ST18: variants seen among roughly 807,000 people sequenced by gnomAD.
The protein encoded by ST18 is ST18 C2H2C-type zinc finger transcription factor.
A neutral mutation model predicts 110.0 loss-of-function variants in ST18; 50 were observed. The observed-to-expected ratio is 0.45, with a 90% CI of 0.36 to 0.58. ST18 has a LOEUF of 0.58. Among genes scored for constraint, ST18 ranks in the 20% least tolerant of loss-of-function variants. The pLI is 0.00. For missense variants in ST18, 1,306 were observed against 1,280.1 expected, an observed-to-expected ratio of 1.02 and a Z score of -0.31; for synonymous variants, 461 against 452.4, an observed-to-expected ratio of 1.02 and a Z score of -0.24.
intron 2 of ST18, chr8:52,403,395 C>T (rs750394282): frequency 1.3e-5 from 2 of 152,274 alleles, no homozygotes; most frequent in Admixed American, 6.5e-5. Flanking sequence ...ATGTGAACTC[C>T]AGGCAGCTCC....
chr8:52,199,717 A>G (rs570423680), intron 8 of ST18: 1 of 152,326 alleles, frequency 6.6e-6, no homozygotes, highest in Admixed American at 6.5e-5. Flanking sequence ...TATGCTTCAT[A>G]TGTACTCAAG....
rs142056039 is a variant in ST18 at position 52,267,647 on chromosome 8, G to A, written c.-464-37570C>T. 1.2e-3 allele frequency among the ~76,000 whole-genome samples: 183 copies of A among 152,250 alleles called. 1 individual carries two copies. Among genetic ancestry groups the A allele is most frequent in the Middle Eastern group, 3.4e-3 (1 of 294 alleles). On this transcript the variant is annotated intron_variant, in intron 2 of 25. Transcript: ENST00000689386. ...TATTCTTAGCCAAACAAAAAAGCAC[G>A]GTGGAATAATTATTATGCAACCTGT...
intron 8 of ST18, among the ~76,000 whole-genome samples, chr8:52,189,118 A>G (rs1441751000): frequency 6.6e-6 from 1 of 152,118 alleles, no homozygotes; most frequent in Non-Finnish European, 1.5e-5. Context: ...ACATGCTTCC[A>G]TCTCCCCTCC....
intron 8 of ST18, chr8:52,199,559 T>C (rs2077268378): frequency 6.6e-6 from 1 of 152,174 alleles, no homozygotes; most frequent in South Asian, 2.1e-4. Context: ...CCTTTATTCA[T>C]GAAGGCACAA....
At chr8:52,246,966 G>A (rs1359280985) in intron 2 of ST18, among the ~76,000 whole-genome samples, 1 of 152,156 alleles carries the variant, frequency 6.6e-6, no homozygotes, top group East Asian at 1.9e-4. Flanking sequence ...CCAGGTTTCA[G>A]ATATGTGAAC....
chr8:52,203,223 C>T (rs986597818), intron 8 of ST18, among the ~76,000 whole-genome samples: 18 of 152,232 alleles, frequency 1.2e-4, no homozygotes, highest in Non-Finnish European at 1.8e-4. Context: ...GCTCAAAGTG[C>T]TATATGCAAA....
chr8:52,123,021 T>A (rs576904757), intron 23 of ST18, among the ~76,000 whole-genome samples: 113 of 152,268 alleles, frequency 7.4e-4, no homozygotes, highest in African/African-American at 2.6e-3. Context: ...TCATAACTTC[T>A]GCTTGTTTCT....
In ST18 at chr8:52,113,098, G is replaced by A; in HGVS notation, c.*100C>T. 7.1e-7 allele frequency: 1 copy of A among 1,418,290 alleles called. No individual in the cohort carries two copies. The highest frequency in any genetic ancestry group is 9.4e-7 in the Non-Finnish European group (1 of 1,063,372). The allele number at this position is 1,418,290 out of a possible 1,614,324, so 87.9% of individuals were successfully genotyped here. A position where few individuals can be genotyped will look rare whatever the true frequency, so the allele number is the denominator to read the frequency against. ...TGCAATGTTGCAAATTGTAAATGCA[G>A]TACGGCAACCTCCACGCCTTAGCAG... is the stretch of plus-strand genomic sequence containing the variant. On this transcript the variant is annotated 3_prime_UTR_variant, in exon 26 of 26. Transcript: ENST00000689386.
intron 9 of ST18, among the ~76,000 whole-genome samples, chr8:52,178,755 T>C (rs978472725): frequency 2.0e-5 from 3 of 150,858 alleles, no homozygotes; most frequent in Non-Finnish European, 2.9e-5. Context: ...AGGGTGATTA[T>C]AATTTACAGA....
chr8:52,214,824 T>C (rs943881201), intron 6 of ST18, among the ~76,000 whole-genome samples: 14 of 152,196 alleles, frequency 9.2e-5, no homozygotes, highest in Non-Finnish European at 2.1e-4. Flanking sequence ...CCAGTTATAA[T>C]CATTCAAATG....
At chr8:52,171,424 G>T in intron 10 of ST18, 2 of 361,082 alleles carry the variant, frequency 5.5e-6, no homozygotes, top group Non-Finnish European at 1.1e-5. Flanking sequence ...CCAAGAATGA[G>T]GGTGGGAAAG....
chr8:52,279,439 T>G lies in ST18; in HGVS notation c.-464-49362A>C, dbSNP rs372061342. 5.3e-5 allele frequency among the ~76,000 whole-genome samples: 8 copies of G among 152,210 alleles called. No individual in the cohort carries two copies. In the South Asian group the frequency reaches 8.3e-4, roughly 16 times the overall value. ...GGAACACAGAGTGAAAAATCTTAAC[T>G]TACATCTAATGGAAATCACAGAAAA... is the stretch of plus-strand genomic sequence containing the variant. On this transcript the variant is annotated intron_variant, in intron 2 of 25. Coordinates refer to ENST00000689386, the MANE Select transcript of ST18 (RefSeq NM_001352837.2).
chr8:52,121,050 G>A (rs2044574356), intron 23 of ST18, among the ~76,000 whole-genome samples: 2 of 152,160 alleles, frequency 1.3e-5, no homozygotes, highest in South Asian at 4.1e-4. Flanking sequence ...ACTTGTAGTA[G>A]GATAAGTAAA....
At chr8:52,325,410 C>T (rs1261966768) in intron 2 of ST18, among the ~76,000 whole-genome samples, 1 of 151,974 alleles carries the variant, frequency 6.6e-6, no homozygotes, top group African/African-American at 2.4e-5. Flanking sequence ...ATATTGCTTA[C>T]AACAGAACAG....
intron 15 of ST18, among the ~76,000 whole-genome samples, chr8:52,153,718 C>T (rs1274330336): frequency 6.6e-6 from 1 of 152,208 alleles, no homozygotes; most frequent in Non-Finnish European, 1.5e-5. Context: ...AGCTTAGCTA[C>T]TCTAAGATCT....
chr8:52,360,958 T>C (rs1825454168), intron 2 of ST18, among the ~76,000 whole-genome samples: 1 of 152,214 alleles, frequency 6.6e-6, no homozygotes, highest in Admixed American at 6.5e-5. Flanking sequence ...AAATGTGTTT[T>C]CTCCAATCTT....
intron 2 of ST18, among the ~76,000 whole-genome samples, chr8:52,394,265 G>T (rs1330060216): frequency 1.3e-5 from 2 of 152,118 alleles, no homozygotes; most frequent in Non-Finnish European, 2.9e-5. Context: ...TCTTTTGTGG[G>T]TGTTTGAGTT....
At chr8:52,327,287 G>A (rs1806946420) in intron 2 of ST18, among the ~76,000 whole-genome samples, 1 of 152,166 alleles carries the variant, frequency 6.6e-6, no homozygotes, top group Non-Finnish European at 1.5e-5. Context: ...GATGCAGTAA[G>A]GTATTTTTCT....
At chr8:52,173,533 G>A (rs2065763894) in intron 9 of ST18, among the ~76,000 whole-genome samples, 10 of 152,136 alleles carry the variant, frequency 6.6e-5, no homozygotes. Flanking sequence ...GGGTGACAGA[G>A]TGTATAGACA....
Sources: allele counts gnomAD v4.1 joint callset (sites outside exome capture counted in the v4.1 genomes callset), GRCh38; gene constraint gnomAD v4.1.1; transcripts MANE v1.5; gene names NCBI Gene and HGNC (gene_info 2026-07-23, HGNC 2026-07-21).